The following APC variants were observed in gnomAD, a reference collection of about 807,000 sequenced individuals.
The protein encoded by APC is adenomatous polyposis coli protein.
Under a neutral mutation model 247.0 loss-of-function variants are expected in APC, and 72 were observed. The ratio of observed to expected loss-of-function variants is 0.29; its 90% confidence interval spans 0.24 to 0.35. The LOEUF is 0.35. Among genes scored for constraint, APC ranks in the 10% least tolerant of loss-of-function variants. APC has a pLI of 1.00. For synonymous variants in APC, 1,254 were observed against 1,162.5 expected (o/e 1.08, Z -1.60); for missense variants, 3,400 against 3,360.7 (o/e 1.01, Z -0.29).
At chr5:112,737,842 G>A (rs1050290130), upstream of APC, 96 of 985,686 alleles carry the variant, frequency 9.7e-5, no homozygotes, top group Non-Finnish European at 1.2e-4. Context: ...GTGGGCGCAC[G>A]TGACCGACAT....
upstream of APC, among the ~76,000 whole-genome samples, chr5:112,733,687 C>CA (rs1264036497): frequency 6.6e-6 from 1 of 152,178 alleles, no homozygotes; most frequent in Non-Finnish European, 1.5e-5. Flanking sequence ...TGTAAGTTAT[C>CA]AAATGTGTGT....
At chr5:112,796,538 A>G (rs564355088) in intron 7 of APC, among the ~76,000 whole-genome samples, 3 of 152,288 alleles carry the variant, frequency 2.0e-5, no homozygotes, top group South Asian at 2.1e-4. Context: ...TTAAGCAAAT[A>G]TAAGTCAAAT....
rs2149893590 is a variant in APC at position 112,839,114 on chromosome 5, G to T, written c.3520G>T (p.Asp1174Tyr). 6.2e-7 allele frequency: 1 copy of T among 1,614,092 alleles called. No individual in the cohort carries two copies. Among genetic ancestry groups the T allele is most frequent in the Non-Finnish European group, 8.5e-7 (1 of 1,180,024 alleles). The change falls in exon 16 of 16, where the codon GAT becomes TAT. Residue 1174 changes from aspartate to tyrosine, a missense_variant. Around this residue, in one of 9 missense-constraint regions of APC, gnomAD observed 715 missense variants for 656.6 expected, o/e 1.09. Coordinates refer to ENST00000257430, the MANE Select transcript of APC (RefSeq NM_000038.6). This position sits in a 1 kb window ranked among gnomAD's most constrained non-coding sequence, Gnocchi z 5.0. Reference protein sequence around the residue: ...IKYNEEKRHVDQPIDYSLKYA... With the variant: ...IKYNEEKRHVYQPIDYSLKYA... ...ATATAATGAAGAGAAACGTCATGTG[G>T]ATCAGCCTATTGATTATAGTTTAAA...
chr5:112,836,748 C>T (rs1764988404), intron 15 of APC, among the ~76,000 whole-genome samples: 1 of 151,912 alleles, frequency 6.6e-6, no homozygotes, highest in South Asian at 2.1e-4. Flanking sequence ...ACTCTGTTGT[C>T]CAGGTTGGAG....
intron 2 of APC, among the ~76,000 whole-genome samples, chr5:112,757,075 C>A (rs1449672552): frequency 2.0e-5 from 3 of 152,116 alleles, no homozygotes; most frequent in Non-Finnish European, 4.4e-5. Flanking sequence ...AGTGGCACTT[C>A]AGATATACCT....
chr5:112,742,225 G>C (rs1160314735), intron 1 of APC, among the ~76,000 whole-genome samples: 3 of 152,120 alleles, frequency 2.0e-5, no homozygotes, highest in Admixed American at 1.3e-4. Context: ...TCTAGTTTGT[G>C]ATGCTAACTC....
At chr5:112,825,490 GC>G (rs1310796307) in intron 11 of APC, among the ~76,000 whole-genome samples, 5 of 152,160 alleles carry the variant, frequency 3.3e-5, no homozygotes, top group Non-Finnish European at 7.3e-5. Context: ...AGGCCCAGGG[GC>G]CCTTTCACAT....
intron 6 of APC, among the ~76,000 whole-genome samples, chr5:112,781,458 T>G (rs537123855): frequency 1.3e-5 from 2 of 152,340 alleles, no homozygotes; most frequent in East Asian, 3.9e-4. Flanking sequence ...CAAACAAGTT[T>G]ATGACTGACT....
intron 1 of APC, among the ~76,000 whole-genome samples, chr5:112,711,716 A>G (rs1052910756): frequency 1.3e-5 from 2 of 152,122 alleles, no homozygotes; most frequent in African/African-American, 4.8e-5. Context: ...ACGAGACCCC[A>G]TCTCAAAAAA....
Position 112,828,896 on chromosome 5 carries a change from A to T in APC, c.1667A>T (p.Asp556Val), listed in dbSNP as rs111423620. The T allele has an allele frequency of 6.2e-7, 1 of 1,613,922 alleles. No homozygotes were observed. Among genetic ancestry groups the T allele is most frequent in the Non-Finnish European group, 8.5e-7 (1 of 1,179,860 alleles). ...SVLRNLSWRA[D>V]VNSKKTLREV... ...TTGAGGAATTTGTCTTGGCGAGCAG[A>T]TGTAAATAGTAAAAAGACGTTGCGA... The change falls in exon 14 of 16, where the codon GAT becomes GTT. Residue 556 changes from aspartate (D) to valine (V), a missense_variant. Transcript: ENST00000257430.
chr5:112,738,358 A>G (rs953092523), intron 1 of APC: 4 of 985,624 alleles, frequency 4.1e-6, no homozygotes, highest in South Asian at 4.7e-5. Context: ...ACAAGGACAC[A>G]TGCATTGGTG....
chr5:112,759,385 G>A (rs1260334348), intron 2 of APC, among the ~76,000 whole-genome samples: 16 of 132,064 alleles, frequency 1.2e-4, no homozygotes, highest in African/African-American at 3.6e-4. Context: ...TTGAGACCGA[G>A]TCTTGCTCTG....
intron 2 of APC, among the ~76,000 whole-genome samples, chr5:112,760,885 C>T (rs1733869277): frequency 6.6e-6 from 1 of 151,910 alleles, no homozygotes; most frequent in South Asian, 2.1e-4. Flanking sequence ...TCTTGGCTCA[C>T]TACAAGCTCC....
intron 8 of APC, among the ~76,000 whole-genome samples, chr5:112,807,382 T>TA (rs1761527814): frequency 6.6e-6 from 1 of 152,168 alleles, no homozygotes; most frequent in African/African-American, 2.4e-5. Flanking sequence ...GTTACATTGT[T>TA]ACTTGTGAAT....
At chr5:112,804,625 G>T (rs1055602339) in intron 8 of APC, among the ~76,000 whole-genome samples, 1 of 152,108 alleles carries the variant, frequency 6.6e-6, no homozygotes, top group African/African-American at 2.4e-5. Flanking sequence ...TGATCCTCCC[G>T]CCTCGGCCTC....
chr5:112,834,434 G>A (rs959636435), intron 14 of APC, among the ~76,000 whole-genome samples: 4 of 150,650 alleles, frequency 2.7e-5, no homozygotes, highest in African/African-American at 4.9e-5. Flanking sequence ...TTGTAGAGAC[G>A]GGGTTTTACC....
Position 112,829,143 on chromosome 5 carries a change from C to A in APC, c.1743+171C>A, listed in dbSNP as rs747737706. 216 of 556,832 alleles carry A rather than the reference C, an allele frequency of 3.9e-4. 1 individual carries two copies. The highest frequency in any genetic ancestry group is 1.5e-3 in the South Asian group (78 of 50,810). The allele number at this position is 556,832 out of a possible 1,614,324, so 34.5% of individuals were successfully genotyped here. On this transcript the variant is annotated intron_variant, in intron 14 of 15. Coordinates refer to ENST00000257430, the MANE Select transcript of APC (RefSeq NM_000038.6). ...TGCCTTCTTTTAGCCATGAGATTCC[C>A]TAATTTCTTTTTTGAGATGGGGTCT...
intron 6 of APC, among the ~76,000 whole-genome samples, chr5:112,790,163 G>T (rs1477764039): frequency 6.6e-6 from 1 of 152,034 alleles, no homozygotes; most frequent in Non-Finnish European, 1.5e-5. Context: ...CCTGGCCTGA[G>T]AATATTTTTT....
At chr5:112,833,317 G>A (rs1764510228) in intron 14 of APC, among the ~76,000 whole-genome samples, 1 of 151,754 alleles carries the variant, frequency 6.6e-6, no homozygotes, top group South Asian at 2.1e-4. Context: ...CAAGTAGCTA[G>A]GATTACAGGT....
Sources: allele counts gnomAD v4.1 joint callset (sites outside exome capture counted in the v4.1 genomes callset), GRCh38; gene constraint gnomAD v4.1.1; regional missense constraint gnomAD v4.1.1; non-coding constraint Gnocchi (gnomAD v3.1); transcripts MANE v1.5; gene names NCBI Gene and HGNC (gene_info 2026-07-23, HGNC 2026-07-21).